SUV39H2: variants seen among roughly 807,000 people sequenced by gnomAD.
SUV39H2 encodes histone-lysine N-methyltransferase SUV39H2.
Under a neutral mutation model 47.5 loss-of-function variants are expected in SUV39H2, and 10 were observed. That is an observed-to-expected ratio of 0.21 (90% CI 0.13 to 0.36). The LOEUF is 0.36. SUV39H2 is among the 10% of genes least tolerant of loss of function. The probability of loss-of-function intolerance (pLI) is 1.00; values close to 1 mark genes in which losing one functional copy is unlikely to be tolerated. For synonymous variants in SUV39H2, 159 were observed against 166.8 expected, an observed-to-expected ratio of 0.95 and a Z score of 0.36; for missense variants, 266 against 487.4, an observed-to-expected ratio of 0.55 and a Z score of 4.28.
chr10:14,893,492 G>T (rs904017444), intron 2 of SUV39H2, among the ~76,000 whole-genome samples: 2 of 152,184 alleles, frequency 1.3e-5, no homozygotes. Context: ...AGGTAATCAA[G>T]AGTTGATTAC....
In SUV39H2 at chr10:14,878,918, A is replaced by G; in HGVS notation, c.30A>G (p.Gly10=). ...CGGCGGTCGGGGCCGAGGCGCGAGG[A>G]GGTGAGGCTGGAGCGCGGCCCCCTC... The part of the protein sequence containing the change: MAAVGAEAR[G]AWCVPCLVSL... Residue 10 remains glycine, a splice_region_variant and synonymous_variant, in exon 1 of 6, where the codon GGA becomes GGG. Transcript: ENST00000354919. The G allele has an allele frequency of 6.8e-7, 1 of 1,475,574 alleles. No individual in the cohort carries two copies. Among genetic ancestry groups the G allele is most frequent in the Non-Finnish European group, 9.0e-7 (1 of 1,110,926 alleles). 91.4% of individuals were successfully genotyped at this position (1,475,574 alleles called of 1,614,324 possible).
At chr10:14,883,704 CAAAAAAAAAAAAAAAAAAAAAA>C (rs58522342) in intron 2 of SUV39H2, among the ~76,000 whole-genome samples, 2 of 50,028 alleles carry the variant, frequency 4.0e-5, no homozygotes, top group Non-Finnish European at 5.4e-5. Context: ...GACTCAGTCT[CAAAAAAAAAAAAAAAAAAAAAA>C]AAAAAATCCC....
chr10:14,894,523 A>G (rs1449071179), intron 2 of SUV39H2, among the ~76,000 whole-genome samples: 1 of 111,236 alleles, frequency 9.0e-6, no homozygotes, highest in Admixed American at 8.6e-5. Flanking sequence ...GCCCGCCACC[A>G]CGCCCGGCTA....
At chr10:14,879,480 C>T (rs537088289) in intron 1 of SUV39H2, among the ~76,000 whole-genome samples, 24 of 152,316 alleles carry the variant, frequency 1.6e-4, no homozygotes, top group African/African-American at 5.3e-4. Flanking sequence ...TTGAGTGCCT[C>T]GTTGGAGAAT....
At chr10:14,886,852 G>C (rs1319641567) in intron 2 of SUV39H2, among the ~76,000 whole-genome samples, 1 of 152,220 alleles carries the variant, frequency 6.6e-6, no homozygotes, top group African/African-American at 2.4e-5. Context: ...ATCTGTGGGA[G>C]GTGCACCTTG....
chr10:14,897,580 C>T (rs188438390), intron 3 of SUV39H2, 63 bp downstream of exon 3: 533 of 1,341,906 alleles, frequency 4.0e-4, no homozygotes, highest in Non-Finnish European at 4.0e-4. Context: ...TGGAAAATTA[C>T]CTTTTTATCT....
chr10:14,902,008 A>G (rs1834058627), intron 5 of SUV39H2, among the ~76,000 whole-genome samples: 1 of 152,214 alleles, frequency 6.6e-6, no homozygotes, highest in African/African-American at 2.4e-5. Flanking sequence ...TTCCTTTAAG[A>G]ATGATGGCCT....
intron 1 of SUV39H2, chr10:14,879,220 T>A: frequency 1.1e-6 from 1 of 875,116 alleles, no homozygotes; most frequent in Non-Finnish European, 1.4e-6. Context: ...CGTGGCGGCC[T>A]CGGGCTTCGA....
At chr10:14,888,187 G>T (rs1005553801) in intron 2 of SUV39H2, among the ~76,000 whole-genome samples, 2 of 152,170 alleles carry the variant, frequency 1.3e-5, no homozygotes, top group Non-Finnish European at 2.9e-5. Flanking sequence ...TGCCCTGAAT[G>T]GGTTGAGGGT....
intron 3 of SUV39H2, chr10:14,899,235 G>T (rs557135516): frequency 2.8e-6 from 2 of 701,922 alleles, no homozygotes; most frequent in Admixed American, 4.0e-5. Context: ...CAGGAAGATC[G>T]CTTGATCCCA....
At position 14,903,027 on chromosome 10, in the gene SUV39H2, A is replaced by G. The variant is rs950107623; in HGVS notation, c.*515A>G. On this transcript the variant is annotated 3_prime_UTR_variant, in exon 6 of 6. Coordinates refer to ENST00000354919, the MANE Select transcript of SUV39H2 (RefSeq NM_001193424.2). ...ATTTTATACTGTTTTCTACTTTTCCATTAAAACATTGGCACCTCAATGATA... is the reference window on the plus strand; with the variant it reads ...ATTTTATACTGTTTTCTACTTTTCCGTTAAAACATTGGCACCTCAATGATA... 2 of 152,282 alleles carry G rather than the reference A, an allele frequency of 1.3e-5. No individual in the cohort carries two copies. The highest frequency in any genetic ancestry group is 4.8e-5 in the African/African-American group (2 of 41,458). The allele number at this position is 152,282 out of a possible 1,614,324, so 9.4% of individuals were successfully genotyped here.
intron 2 of SUV39H2, among the ~76,000 whole-genome samples, chr10:14,891,836 A>G (rs1190163278): frequency 2.0e-5 from 3 of 152,224 alleles, no homozygotes; most frequent in Non-Finnish European, 4.4e-5. Flanking sequence ...GGCTGCAGTT[A>G]AAACTTGGAG....
intron 3 of SUV39H2, chr10:14,898,424 G>A (rs532725925): frequency 6.6e-6 from 1 of 151,642 alleles, no homozygotes; most frequent in Non-Finnish European, 1.5e-5. Flanking sequence ...TACATATCTG[G>A]AGTTGTCAAC....
intron 2 of SUV39H2, among the ~76,000 whole-genome samples, chr10:14,894,196 T>C (rs1265052531): frequency 6.6e-6 from 1 of 150,826 alleles, no homozygotes; most frequent in Admixed American, 6.6e-5. Flanking sequence ...GGGCTCAATT[T>C]GACAAATACT....
At chr10:14,883,473 G>A (rs926985783) in intron 2 of SUV39H2, among the ~76,000 whole-genome samples, 1 of 151,828 alleles carries the variant, frequency 6.6e-6, no homozygotes, top group African/African-American at 2.4e-5. Flanking sequence ...GGGGGGCCAA[G>A]GCGGGCAGAT....
intron 3 of SUV39H2, chr10:14,899,045 A>T (rs1833803470): frequency 3.4e-6 from 2 of 583,250 alleles, no homozygotes; most frequent in Non-Finnish European, 6.1e-6. Flanking sequence ...AAAAAGTCAT[A>T]AATCAACCAG....
In SUV39H2 at chr10:14,899,456, G is replaced by A. The variant is rs150887083; in HGVS notation, c.850-83G>A. ...TTTCTTACTTTTTAAATATTTGTAGGTATTCGCATATTAGTAGATAGGTAG... is the reference window on the plus strand; with the variant it reads ...TTTCTTACTTTTTAAATATTTGTAGATATTCGCATATTAGTAGATAGGTAG... On this transcript the variant is annotated intron_variant, in intron 3 of 5. Coordinates refer to ENST00000354919, the MANE Select transcript of SUV39H2 (RefSeq NM_001193424.2). The A allele has an allele frequency of 2.8e-6, 4 of 1,404,648 alleles. No homozygotes were observed. In the Admixed American group the frequency reaches 5.7e-5, roughly 20 times the overall value. The allele number at this position is 1,404,648 out of a possible 1,614,324, so 87.0% of individuals were successfully genotyped here.
intron 3 of SUV39H2, 196 bp downstream of exon 3, chr10:14,897,713 T>TA: frequency 2.5e-6 from 1 of 398,908 alleles, no homozygotes; most frequent in Non-Finnish European, 4.3e-6. Flanking sequence ...GAATAAAAAA[T>TA]ATACGTTAAA....
intron 2 of SUV39H2, among the ~76,000 whole-genome samples, 184 bp from the exon 3 acceptor site, chr10:14,896,662 T>C (rs551299689): frequency 5.3e-4 from 80 of 152,308 alleles, no homozygotes; most frequent in African/African-American, 1.7e-3. Flanking sequence ...TTATGTAATA[T>C]AAGGAAAAAT....
Sources: allele counts gnomAD v4.1 joint callset (sites outside exome capture counted in the v4.1 genomes callset), GRCh38; gene constraint gnomAD v4.1.1; transcripts MANE v1.5; gene names NCBI Gene and HGNC (gene_info 2026-07-23, HGNC 2026-07-21).